Variants in WWOX observed in about 807,000 individuals in gnomAD.
WWOX encodes WW domain containing oxidoreductase, also known as WW domain-containing oxidoreductase.
In WWOX, 69 loss-of-function variants were observed where a neutral mutation model predicts 46.2. That is an observed-to-expected ratio of 1.49 (90% confidence interval 1.23 to 1.82). WWOX has a LOEUF of 1.82. Among genes scored for constraint, WWOX ranks in the 40% most tolerant of loss-of-function variants. The pLI is 0.00. For missense variants in WWOX, 919 were observed against 542.6 expected (o/e 1.69, Z -6.89); for synonymous variants, 359 against 202.6 (o/e 1.77, Z -6.56).
chr16:78,255,584 G>A (rs903678084), intron 5 of WWOX, among the ~76,000 whole-genome samples: 1 of 152,006 alleles, frequency 6.6e-6, no homozygotes, highest in African/African-American at 2.4e-5. Context: ...GATGTCTTTT[G>A]GGGAAGGCGA....
intron 8 of WWOX, among the ~76,000 whole-genome samples, chr16:78,710,498 A>ATTTTTTT (rs1555520990): frequency 7.5e-6 from 1 of 132,834 alleles, no homozygotes; most frequent in African/African-American, 2.9e-5. Context: ...ATATATATAT[A>ATTTTTTT]TTTATATAAA....
chr16:78,973,129 A>G (rs575433338), intron 8 of WWOX, among the ~76,000 whole-genome samples: 34 of 152,316 alleles, frequency 2.2e-4, no homozygotes, highest in African/African-American at 7.5e-4. Flanking sequence ...CCCTTCCCGT[A>G]TAAGGTGGGG....
intron 8 of WWOX, among the ~76,000 whole-genome samples, chr16:78,475,592 T>A (rs1384170558): frequency 6.6e-6 from 1 of 152,160 alleles, no homozygotes; most frequent in Non-Finnish European, 1.5e-5. Flanking sequence ...TTTTTTAGTT[T>A]ATATTTTTAT....
intron 8 of WWOX, among the ~76,000 whole-genome samples, chr16:79,123,379 A>G (rs2049680590): frequency 6.6e-6 from 1 of 152,194 alleles, no homozygotes; most frequent in Non-Finnish European, 1.5e-5. Flanking sequence ...TAATGCAGAT[A>G]CATTCGTAAC....
chr16:78,341,309 CT>C (rs2081009962), intron 5 of WWOX, among the ~76,000 whole-genome samples: 1 of 120,384 alleles, frequency 8.3e-6, no homozygotes, highest in African/African-American at 2.8e-5. Flanking sequence ...CTGGCCTCAA[CT>C]TTAAATTTTT....
rs148867821 is a variant in WWOX, at chr16:78,490,548, C to G, written c.1056+57796C>G. 2.0e-5 allele frequency among the ~76,000 whole-genome samples: 3 copies of G among 152,266 alleles called. No homozygotes were observed. The East Asian group carries it at 5.8e-4, about 29-fold the overall frequency. Reference sequence around the variant, plus strand: ...TCAATGCTGGGCTAGTTTCAGACTTCTGGCTTGTTGTGGGACGGAGGAGAA... The same window carrying G: ...TCAATGCTGGGCTAGTTTCAGACTTGTGGCTTGTTGTGGGACGGAGGAGAA... On this transcript the variant is annotated intron_variant, in intron 8 of 8. Coordinates refer to ENST00000566780, the MANE Select transcript of WWOX (RefSeq NM_016373.4).
intron 8 of WWOX, among the ~76,000 whole-genome samples, chr16:78,860,380 A>C (rs578056008): frequency 5.3e-5 from 8 of 152,182 alleles, no homozygotes; most frequent in Non-Finnish European, 1.0e-4. Context: ...AGCACCTCCC[A>C]TTCACTATCT....
intron 8 of WWOX, among the ~76,000 whole-genome samples, chr16:78,636,753 A>G (rs2046581159): frequency 6.6e-6 from 1 of 152,046 alleles, no homozygotes; most frequent in Non-Finnish European, 1.5e-5. Flanking sequence ...GCATCTCCCC[A>G]CCTGCTCTGG....
chr16:79,059,676 A>G (rs545071116), intron 8 of WWOX, among the ~76,000 whole-genome samples: 1 of 152,170 alleles, frequency 6.6e-6, no homozygotes, highest in East Asian at 1.9e-4. Context: ...TTGTATTTTT[A>G]GTAGAGATGG....
At chr16:78,536,171 C>A (rs1597228609) in intron 8 of WWOX, among the ~76,000 whole-genome samples, 1 of 152,126 alleles carries the variant, frequency 6.6e-6, no homozygotes, top group African/African-American at 2.4e-5. Context: ...ACATAAACCA[C>A]CCCCAGAGTA....
chr16:78,465,949 A>G (rs2084066289), intron 8 of WWOX, among the ~76,000 whole-genome samples: 2 of 152,196 alleles, frequency 1.3e-5, no homozygotes, highest in Admixed American at 1.3e-4. Flanking sequence ...ATTCATAAAG[A>G]CAGAATACGC....
intron 8 of WWOX, among the ~76,000 whole-genome samples, chr16:78,474,821 G>A (rs991830919): frequency 2.0e-5 from 3 of 152,032 alleles, no homozygotes; most frequent in Non-Finnish European, 4.4e-5. Flanking sequence ...CTCATTAATG[G>A]GCTCACACGA....
At chr16:79,039,306 C>T (rs929954244) in intron 8 of WWOX, among the ~76,000 whole-genome samples, 3 of 152,108 alleles carry the variant, frequency 2.0e-5, no homozygotes, top group African/African-American at 7.2e-5. Context: ...ATTGCCTCCT[C>T]TCCTGCCAGC....
intron 8 of WWOX, among the ~76,000 whole-genome samples, chr16:78,842,233 C>T (rs1168719364): frequency 1.3e-5 from 2 of 151,868 alleles, no homozygotes; most frequent in Non-Finnish European, 2.9e-5. Context: ...GTGGCTCTCT[C>T]CTGTAATCTC....
At chr16:78,674,578 C>G (rs2047546802) in intron 8 of WWOX, among the ~76,000 whole-genome samples, 1 of 152,150 alleles carries the variant, frequency 6.6e-6, no homozygotes, top group Non-Finnish European at 1.5e-5. Context: ...AGCCACAGCA[C>G]CCAGCCAGAA....
At position 79,122,829 on chromosome 16, in the gene WWOX, A is replaced by C. The variant is rs560097288; in HGVS notation, c.1057-88779A>C. 2.0e-5 allele frequency among the ~76,000 whole-genome samples: 3 copies of C among 152,284 alleles called. No homozygotes were observed. In the South Asian group the frequency reaches 6.2e-4, roughly 32 times the overall value. On this transcript the variant is annotated intron_variant, in intron 8 of 8. Coordinates refer to ENST00000566780, the MANE Select transcript of WWOX (RefSeq NM_016373.4). ...CCTTGGGAAGTGAGCTCAATGAAAT[A>C]CATCTTCATATGCCCATTTTACAGA...
At chr16:78,640,951 A>AG (rs1251879956) in intron 8 of WWOX, among the ~76,000 whole-genome samples, 156 of 151,480 alleles carry the variant, frequency 1.0e-3, no homozygotes, top group Non-Finnish European at 7.5e-4. Context: ...AAAAAAAAAA[A>AG]AAGAAGAAGA....
At chr16:78,528,728 G>A (rs550937348) in intron 8 of WWOX, among the ~76,000 whole-genome samples, 196 of 152,084 alleles carry the variant, frequency 1.3e-3, no homozygotes, top group African/African-American at 4.5e-3. Flanking sequence ...AATTTGGCCG[G>A]TGAAAATGAA....
intron 8 of WWOX, among the ~76,000 whole-genome samples, chr16:79,208,444 A>ATTAT (rs1430244877): frequency 6.6e-6 from 1 of 152,046 alleles, no homozygotes; most frequent in Non-Finnish European, 1.5e-5. Flanking sequence ...TCAAGGTATT[A>ATTAT]TTATTTATCA....
Sources: allele counts gnomAD v4.1 joint callset (sites outside exome capture counted in the v4.1 genomes callset), GRCh38; gene constraint gnomAD v4.1.1; transcripts MANE v1.5; gene names NCBI Gene and HGNC (gene_info 2026-07-23, HGNC 2026-07-21).